Variants in PDSS2 observed in about 807,000 individuals in gnomAD.
PDSS2 encodes the protein all trans-polyprenyl-diphosphate synthase PDSS2.
PDSS2 carries 31 observed loss-of-function variants against 44.5 expected under a neutral mutation model. The observed-to-expected ratio is 0.70, with a 90% CI of 0.52 to 0.94. PDSS2 has a LOEUF of 0.94. PDSS2 is among the 40% of genes least tolerant of loss of function. The pLI is 0.00. For synonymous variants in PDSS2, 157 were observed against 180.3 expected (o/e 0.87, Z 1.03); for missense variants, 452 against 482.2 (o/e 0.94, Z 0.59).
intron 1 of PDSS2, among the ~76,000 whole-genome samples, chr6:107,402,506 A>G (rs57918858): frequency 1.3e-5 from 1 of 77,184 alleles, no homozygotes; most frequent in Non-Finnish European, 2.8e-5. Flanking sequence ...GTATACATAT[A>G]TATACACACA....
At chr6:107,229,796 C>A (rs1030565720) in intron 4 of PDSS2, 3 of 152,416 alleles carry the variant, frequency 2.0e-5, no homozygotes, top group African/African-American at 7.2e-5. Flanking sequence ...AAGTTCATGA[C>A]CAACTGACTG....
intron 1 of PDSS2, among the ~76,000 whole-genome samples, chr6:107,376,387 C>T (rs1432777532): frequency 6.6e-6 from 1 of 151,898 alleles, no homozygotes; most frequent in East Asian, 1.9e-4. Flanking sequence ...ATTCTTCCTA[C>T]CCATGAGCAT....
At chr6:107,268,007 C>G (rs1775466992) in intron 3 of PDSS2, among the ~76,000 whole-genome samples, 1 of 152,138 alleles carries the variant, frequency 6.6e-6, no homozygotes, top group Non-Finnish European at 1.5e-5. Context: ...CCCTTAAATT[C>G]CGCAGGTCTA....
rs1331517785 is a variant in PDSS2, at chr6:107,459,111, T to C, written c.175A>G (p.Ile59Val). The C allele has an allele frequency of 1.2e-6, 2 of 1,613,946 alleles. No individual in the cohort carries two copies. Among genetic ancestry groups the C allele is most frequent in the Non-Finnish European group, 1.7e-6 (2 of 1,179,978 alleles). Reference protein sequence around the residue: ...WNQVVSEAEKIVGYPTSFMSL... With the variant: ...WNQVVSEAEKVVGYPTSFMSL... ...ATGAAGGACGTGGGGTACCCCACGA[T>C]CTTCTCCGCCTCTGACACTACCTGA... Residue 59 changes from isoleucine (I) to valine (V), a missense_variant, in exon 1 of 8, where the codon ATC becomes GTC. Ile to Val is a conservative substitution (Grantham distance 29). Coordinates refer to ENST00000369037, the MANE Select transcript of PDSS2 (RefSeq NM_020381.4). The surrounding 1 kb of genome is among the most constrained non-coding windows in gnomAD (Gnocchi z 4.3).
At chr6:107,161,355 C>G (rs1261003231) in intron 7 of PDSS2, among the ~76,000 whole-genome samples, 1 of 152,016 alleles carries the variant, frequency 6.6e-6, no homozygotes, top group Non-Finnish European at 1.5e-5. Context: ...TGCCGGGCGC[C>G]TGTAGTCCCA....
intron 1 of PDSS2, among the ~76,000 whole-genome samples, chr6:107,378,525 C>A (rs187811306): frequency 1.3e-5 from 2 of 152,252 alleles, no homozygotes; most frequent in African/African-American, 2.4e-5. Context: ...GTGGCTCACA[C>A]CTGTAATCCC....
At chr6:107,281,703 A>T (rs2114978555) in intron 2 of PDSS2, among the ~76,000 whole-genome samples, 1 of 152,294 alleles carries the variant, frequency 6.6e-6, no homozygotes, top group South Asian at 2.1e-4. Flanking sequence ...TAACTTTCCC[A>T]GAGTTAGAAC....
chr6:107,420,395 G>T (rs1780786987), intron 1 of PDSS2, among the ~76,000 whole-genome samples: 1 of 152,168 alleles, frequency 6.6e-6, no homozygotes, highest in East Asian at 1.9e-4. Context: ...TGAAAAAGAA[G>T]AAAAGTAGGA....
chr6:107,367,189 G>A (rs1335620381), intron 1 of PDSS2, among the ~76,000 whole-genome samples: 1 of 152,170 alleles, frequency 6.6e-6, no homozygotes, highest in Non-Finnish European at 1.5e-5. Context: ...AAAGCACGAT[G>A]TAGGCTGACT....
At chr6:107,324,573 A>G (rs893418014) in intron 2 of PDSS2, among the ~76,000 whole-genome samples, 1 of 152,130 alleles carries the variant, frequency 6.6e-6, no homozygotes, top group African/African-American at 2.4e-5. Context: ...CCATTCCCTT[A>G]TATCTGTTTC....
At chr6:107,367,893 C>T (rs1043541749) in intron 1 of PDSS2, among the ~76,000 whole-genome samples, 1 of 150,616 alleles carries the variant, frequency 6.6e-6, no homozygotes, top group Non-Finnish European at 1.5e-5. Context: ...GTGGAAAATA[C>T]TAAGGCATCT....
At position 107,301,417 on chromosome 6, in the gene PDSS2, G is replaced by C. The variant is rs903246571; in HGVS notation, c.432-27190C>G. Among the ~76,000 whole-genome samples the C allele has an allele frequency of 3.3e-5, 5 of 151,866 alleles. 1 individual carries two copies. The highest frequency in any genetic ancestry group is 1.2e-4 in the African/African-American group (5 of 41,332). ...ATATTAATATATGGATACCTAAAGT[G>C]CTAAAAACACTTTACCATTTTTTGA... On this transcript the variant is annotated intron_variant, in intron 2 of 7. Coordinates refer to ENST00000369037, the MANE Select transcript of PDSS2 (RefSeq NM_020381.4).
chr6:107,365,131 CTCATT>C (rs1778922882), intron 1 of PDSS2, among the ~76,000 whole-genome samples: 1 of 151,996 alleles, frequency 6.6e-6, no homozygotes, highest in African/African-American at 2.4e-5. Flanking sequence ...ATACATTTTT[CTCATT>C]TCTTCTCTTA....
chr6:107,173,617 G>A (rs67380618), intron 7 of PDSS2, among the ~76,000 whole-genome samples: 42,684 of 132,500 alleles, frequency 0.32, 6,946 homozygotes, highest in South Asian at 0.55. Flanking sequence ...CAGGAAAGCA[G>A]TCTCTAGTGT....
At chr6:107,259,696 G>GA (rs1183421040) in intron 3 of PDSS2, among the ~76,000 whole-genome samples, 3 of 151,100 alleles carry the variant, frequency 2.0e-5, no homozygotes, top group East Asian at 1.9e-4. Context: ...ATAGAAAAAA[G>GA]AAAAAATGAA....
At chr6:107,435,834 T>C (rs575004199) in intron 1 of PDSS2, among the ~76,000 whole-genome samples, 1 of 151,906 alleles carries the variant, frequency 6.6e-6, no homozygotes, top group African/African-American at 2.4e-5. Context: ...TTTAATTTGC[T>C]AAAAAAAATC....
chr6:107,347,802 C>T (rs1201246484), intron 1 of PDSS2, among the ~76,000 whole-genome samples: 6 of 152,226 alleles, frequency 3.9e-5, no homozygotes, highest in African/African-American at 1.2e-4. Flanking sequence ...TTTTAACTGG[C>T]TTTTTGTTCC....
intron 1 of PDSS2, among the ~76,000 whole-genome samples, chr6:107,401,751 T>G (rs956100382): frequency 4.6e-5 from 7 of 151,864 alleles, no homozygotes; most frequent in Non-Finnish European, 1.0e-4. Flanking sequence ...CAAAATACAG[T>G]TGAAAGCTTC....
chr6:107,388,197 T>C (rs1779669967), intron 1 of PDSS2, among the ~76,000 whole-genome samples: 1 of 152,204 alleles, frequency 6.6e-6, no homozygotes, highest in Admixed American at 6.5e-5. Context: ...AGCATAAGTT[T>C]ATTATCCAGC....
Sources: gnomAD v4.1 joint callset for allele counts (sites outside exome capture counted in the v4.1 genomes callset) on GRCh38, gnomAD v4.1.1 for gene constraint, Gnocchi (gnomAD v3.1) non-coding constraint, MANE v1.5 for transcripts, NCBI Gene and HGNC (gene_info 2026-07-23, HGNC 2026-07-21) for gene names.